CEP43: variants seen among roughly 807,000 people sequenced by gnomAD.
The protein encoded by CEP43 is centrosomal protein 43.
Under a neutral mutation model 52.6 loss-of-function variants are expected in CEP43, and 36 were observed. That is an observed-to-expected ratio of 0.68 (90% confidence interval 0.52 to 0.90). CEP43 has a LOEUF of 0.90. Ranked by LOEUF, CEP43 falls within the 40% of genes least tolerant of loss-of-function variation. The pLI is 0.00. For missense variants in CEP43, 506 were observed against 472.8 expected (o/e 1.07, Z -0.65); for synonymous variants, 192 against 172.4 (o/e 1.11, Z -0.89).
rs112523119 is a variant in CEP43 at position 167,021,715 on chromosome 6, TAC to T, written c.580-679_580-678del. 4.9e-3 allele frequency among the ~76,000 whole-genome samples: 742 copies of T among 151,076 alleles called. 22 individuals carry two copies. The East Asian group carries it at 0.089, about 18-fold the overall frequency. ...ATTGATGTTAATATACATAGAGAAA[TAC>T]ACACACACACACACGTATATATGTC... On this transcript the variant is annotated intron_variant, in intron 7 of 12. Coordinates refer to ENST00000366847, the MANE Select transcript of CEP43 (RefSeq NM_007045.4).
At chr6:167,003,046 A>G (rs1293260341) in intron 2 of CEP43, 147 bp from the exon 3 acceptor site, 2 of 422,706 alleles carry the variant, frequency 4.7e-6, no homozygotes, top group Middle Eastern at 5.8e-4. Flanking sequence ...AAATTACTAA[A>G]TAGCACAAAG....
In CEP43 at chr6:166,999,435, T is replaced by C; in HGVS notation, c.23T>C (p.Val8Ala). The C allele has an allele frequency of 6.8e-7, 1 of 1,478,602 alleles. No individual in the cohort carries two copies. Among genetic ancestry groups the C allele is most frequent in the Middle Eastern group, 2.2e-4 (1 of 4,462 alleles). 91.6% of individuals were successfully genotyped at this position (1,478,602 alleles called of 1,614,324 possible). The change falls in exon 1 of 13, where the codon GTG becomes GCG. Residue 8 changes from valine to alanine, a missense_variant. Val to Ala is a moderately conservative substitution (Grantham distance 64). Coordinates refer to ENST00000366847, the MANE Select transcript of CEP43 (RefSeq NM_007045.4). Reference sequence around the variant, plus strand: ...AAGATGGCGGCGACGGCGGCCGCAGTGGTGGCCGAGGAGGACACGGAGCTG... The same window carrying C: ...AAGATGGCGGCGACGGCGGCCGCAGCGGTGGCCGAGGAGGACACGGAGCTG... MAATAAA[V>A]VAEEDTELRD...
Position 167,041,359 on chromosome 6 carries a change from A to G in CEP43, c.*1381A>G. 1 of 1,059,218 alleles carries G rather than the reference A, an allele frequency of 9.4e-7. No individual in the cohort carries two copies. Among genetic ancestry groups the G allele is most frequent in the Non-Finnish European group, 1.1e-6 (1 of 875,388 alleles). The allele number at this position is 1,059,218 out of a possible 1,614,324, so 65.6% of individuals were successfully genotyped here. On this transcript the variant is annotated 3_prime_UTR_variant, in exon 13 of 13. Coordinates refer to ENST00000366847, the MANE Select transcript of CEP43 (RefSeq NM_007045.4). ...AACTAAGCTGTAAACATCAAGAGGA[A>G]GTAGGACATAAACTGGGCCGGTACA...
At chr6:167,013,660 G>T in intron 7 of CEP43, 93 bp downstream of exon 7, 1 of 1,006,642 alleles carries the variant, frequency 9.9e-7, no homozygotes, top group Non-Finnish European at 1.5e-6. Context: ...TGTCAGATTG[G>T]GTTCTCAGTT....
rs1780877869 is a variant in CEP43 at position 167,052,207 on chromosome 6, A to G, written c.*12229A>G. On this transcript the variant is annotated 3_prime_UTR_variant, in exon 13 of 13. Coordinates refer to ENST00000366847, the MANE Select transcript of CEP43 (RefSeq NM_007045.4). ...AAACACATTTCTTCTTTATAGCTCT[A>G]GGTCCTCTTCACTTGTTTTTGTGCT... The G allele has an allele frequency of 6.6e-6, 1 of 152,178 alleles. No homozygotes were observed. Among genetic ancestry groups the G allele is most frequent in the African/African-American group, 2.4e-5 (1 of 41,452 alleles). 9.4% of individuals were successfully genotyped at this position (152,178 alleles called of 1,614,324 possible). A position where few individuals can be genotyped will look rare whatever the true frequency, so the allele number is the denominator to read the frequency against.
In CEP43 at chr6:166,999,432, C is replaced by T. The variant is rs1048698181; in HGVS notation, c.20C>T (p.Ala7Val). MAATAA[A>V]VVAEEDTELR... ...AGCAAGATGGCGGCGACGGCGGCCGCAGTGGTGGCCGAGGAGGACACGGAG... is the reference window on the plus strand; with the variant it reads ...AGCAAGATGGCGGCGACGGCGGCCGTAGTGGTGGCCGAGGAGGACACGGAG... The change falls in exon 1 of 13, where the codon GCA becomes GTA. Residue 7 changes from alanine (A) to valine (V), a missense_variant. Ala to Val is a moderately conservative substitution (Grantham distance 64). Transcript: ENST00000366847. 4.1e-6 allele frequency: 6 copies of T among 1,478,172 alleles called. 1 individual carries two copies. The highest frequency in any genetic ancestry group is 2.6e-5 in the South Asian group (2 of 76,074). 91.6% of individuals were successfully genotyped at this position (1,478,172 alleles called of 1,614,324 possible).
intron 5 of CEP43, 32 bp downstream of exon 5, chr6:167,004,433 T>G: frequency 6.4e-7 from 1 of 1,552,208 alleles, no homozygotes. Flanking sequence ...CTTTTTCTAT[T>G]TTAATTATTG....
At chr6:167,021,524 T>C (rs529387188) in intron 7 of CEP43, among the ~76,000 whole-genome samples, 1 of 152,312 alleles carries the variant, frequency 6.6e-6, no homozygotes, top group Non-Finnish European at 1.5e-5. Context: ...TTGTTTTCAT[T>C]ATTATTATTA....
chr6:167,045,999 G>A lies in CEP43; in HGVS notation c.*6021G>A, dbSNP rs1347068125. On this transcript the variant is annotated 3_prime_UTR_variant, in exon 13 of 13. Transcript: ENST00000366847. ...CCAGGCCTTTTCTAGCAGCTCTCATGGGTTCATCCCTGCTGCGGGCATTGC... is the reference window on the plus strand; with the variant it reads ...CCAGGCCTTTTCTAGCAGCTCTCATAGGTTCATCCCTGCTGCGGGCATTGC... The A allele has an allele frequency of 6.6e-6, 1 of 152,224 alleles. No homozygotes were observed. Among genetic ancestry groups the A allele is most frequent in the Non-Finnish European group, 1.5e-5 (1 of 68,126 alleles). The allele number at this position is 152,224 out of a possible 1,614,324, so 9.4% of individuals were successfully genotyped here.
chr6:167,039,557 T>TA (rs1780651384), intron 12 of CEP43, among the ~76,000 whole-genome samples: 1 of 152,258 alleles, frequency 6.6e-6, no homozygotes, highest in Admixed American at 6.5e-5. Flanking sequence ...TGTGCTGCTG[T>TA]AAACATGCGT....
rs901029651 is a variant in CEP43, at chr6:167,022,358, T to A, written c.580-51T>A. The A allele has an allele frequency of 6.9e-6, 9 of 1,306,080 alleles. No homozygotes were observed. The African/African-American group carries it at 1.3e-4, about 20-fold the overall frequency. The allele number at this position is 1,306,080 out of a possible 1,614,324, so 80.9% of individuals were successfully genotyped here. On this transcript the variant is annotated intron_variant, in intron 7 of 12. Transcript: ENST00000366847. ...GACTTCTTTTATTATTGAAAATATC[T>A]TAAAGTTTTATCTCACCAAGGAGGC...
At chr6:167,038,797 A>G (rs1780633616) in intron 12 of CEP43, among the ~76,000 whole-genome samples, 1 of 152,098 alleles carries the variant, frequency 6.6e-6, no homozygotes, top group Admixed American at 6.6e-5. Flanking sequence ...TTTAATTTTT[A>G]GTTTTTTATT....
In CEP43 at chr6:167,010,815, T is replaced by C; in HGVS notation, c.441T>C (p.Gly147=). The C allele has an allele frequency of 2.0e-6, 3 of 1,521,582 alleles. No individual in the cohort carries two copies. The highest frequency in any genetic ancestry group is 2.7e-6 in the Non-Finnish European group (3 of 1,128,204). 94.3% of individuals were successfully genotyped at this position (1,521,582 alleles called of 1,614,324 possible). Residue 147 remains glycine, a splice_region_variant and synonymous_variant, in exon 6 of 13, where the codon GGT becomes GGC. Transcript: ENST00000366847. The part of the protein sequence containing the change: ...QKEKGPTTGE[G]ALDLSDVHSP... ...AATTTTAAACTAAAATATTTTAGGG[T>C]GCACTTGATCTATCTGATGTACATT...
Position 167,045,676 on chromosome 6 carries a change from A to T in CEP43, c.*5698A>T, listed in dbSNP as rs1028702595. 3.3e-5 allele frequency: 5 copies of T among 152,256 alleles called. No individual in the cohort carries two copies. Among genetic ancestry groups the T allele is most frequent in the African/African-American group, 1.2e-4 (5 of 41,456 alleles). The allele number at this position is 152,256 out of a possible 1,614,324, so 9.4% of individuals were successfully genotyped here. On this transcript the variant is annotated 3_prime_UTR_variant, in exon 13 of 13. Transcript: ENST00000366847. ...CGTGAACCCAGGAGGCGGAGCTTGC[A>T]GTGAGCCCAGATCACGCCCCTGCAC...
chr6:167,010,822 G>T lies in CEP43; in HGVS notation c.448G>T (p.Asp150Tyr). 1 of 1,556,472 alleles carries T rather than the reference G, an allele frequency of 6.4e-7. No homozygotes were observed. Among genetic ancestry groups the T allele is most frequent in the Non-Finnish European group, 8.7e-7 (1 of 1,150,242 alleles). The change falls in exon 6 of 13, where the codon GAT becomes TAT. Residue 150 changes from aspartate (D) to tyrosine (Y), a missense_variant. Transcript: ENST00000366847. ...KGPTTGEGAL[D>Y]LSDVHSPPKS... is the part of the protein sequence containing the mutation. ...AACTAAAATATTTTAGGGTGCACTT[G>T]ATCTATCTGATGTACATTCTCCACC...
chr6:167,038,521 C>G (rs1258801174), intron 12 of CEP43, among the ~76,000 whole-genome samples: 1 of 152,172 alleles, frequency 6.6e-6, no homozygotes, highest in Non-Finnish European at 1.5e-5. Flanking sequence ...TTCCTGTGAA[C>G]AGAATCATAC....
chr6:167,021,967 TTAA>T (rs1385005195), intron 7 of CEP43, among the ~76,000 whole-genome samples: 1 of 152,188 alleles, frequency 6.6e-6, no homozygotes, highest in African/African-American at 2.4e-5. Flanking sequence ...CTTTTCTCCT[TTAA>T]TAATAATGAT....
At position 167,050,921 on chromosome 6, in the gene CEP43, G is replaced by A. The variant is rs1250546270; in HGVS notation, c.*10943G>A. 1 of 151,694 alleles carries A rather than the reference G, an allele frequency of 6.6e-6. No individual in the cohort carries two copies. Among genetic ancestry groups the A allele is most frequent in the African/African-American group, 2.4e-5 (1 of 41,328 alleles). The allele number at this position is 151,694 out of a possible 1,614,324, so 9.4% of individuals were successfully genotyped here. A position where few individuals can be genotyped will look rare whatever the true frequency, so the allele number is the denominator to read the frequency against. ...GCAATAGAGAAAGAGTTTAATACAT[G>A]TAGAACTGGCTAAACAAGAGACTGG... On this transcript the variant is annotated 3_prime_UTR_variant, in exon 13 of 13. Coordinates refer to ENST00000366847, the MANE Select transcript of CEP43 (RefSeq NM_007045.4).
chr6:167,006,160 G>T (rs901191008), intron 5 of CEP43, among the ~76,000 whole-genome samples: 8 of 152,200 alleles, frequency 5.3e-5, no homozygotes, highest in Non-Finnish European at 1.2e-4. Context: ...ACAGTGCTTG[G>T]CACGGAGGAC....
Sources: gnomAD v4.1 joint callset for allele counts (sites outside exome capture counted in the v4.1 genomes callset) on GRCh38, gnomAD v4.1.1 for gene constraint, MANE v1.5 for transcripts, NCBI Gene and HGNC (gene_info 2026-07-23, HGNC 2026-07-21) for gene names.